LCE1E: variants seen among roughly 807,000 people sequenced by gnomAD.
The protein encoded by LCE1E is late cornified envelope protein 1E.
For missense variants in LCE1E, 144 were observed against 144.3 expected (o/e 1.00, Z 0.01); for synonymous variants, 61 against 55.0 (o/e 1.11, Z -0.48).
At chr1:152,786,763 A>T (rs1035093747) in intron 1 of LCE1E, among the ~76,000 whole-genome samples, 1 of 152,156 alleles carries the variant, frequency 6.6e-6, no homozygotes, top group Non-Finnish European at 1.5e-5. Context: ...AGGAAATCTG[A>T]GCTCCAGCCT....
Position 152,787,785 on chromosome 1 carries a change from T to G in LCE1E, c.*129T>G. The G allele has an allele frequency of 8.6e-7, 1 of 1,164,254 alleles. No individual in the cohort carries two copies. The highest frequency in any genetic ancestry group is 1.2e-6 in the Non-Finnish European group (1 of 827,598). 72.1% of individuals were successfully genotyped at this position (1,164,254 alleles called of 1,614,324 possible). On this transcript the variant is annotated 3_prime_UTR_variant, in exon 2 of 2. Coordinates refer to ENST00000368770, the MANE Select transcript of LCE1E (RefSeq NM_178353.2). ...GGAAACCCAAAATCTTTCTCCTTAA[T>G]GGCATTTAGAGACTTTCTTCTGCAG...
intron 1 of LCE1E, among the ~76,000 whole-genome samples, chr1:152,786,707 TGA>T (rs559661546): frequency 6.6e-6 from 1 of 152,140 alleles, no homozygotes; most frequent in South Asian, 2.1e-4. Context: ...ACACCAAACC[TGA>T]GACTCACCAT....
intron 1 of LCE1E, 22 bp downstream of exon 1, chr1:152,786,329 A>T (rs1040143474): frequency 1.3e-5 from 2 of 152,428 alleles, no homozygotes; most frequent in Non-Finnish European, 2.9e-5. Flanking sequence ...CTGGGAACAG[A>T]AGCAGGGGAT....
intron 1 of LCE1E, among the ~76,000 whole-genome samples, chr1:152,786,791 G>T (rs1027462011): frequency 1.3e-5 from 2 of 152,154 alleles, no homozygotes; most frequent in Non-Finnish European, 2.9e-5. Context: ...GGAGGCCAGG[G>T]TTCAAATTCC....
chr1:152,787,196 TAATTAC>T lies in LCE1E; in HGVS notation c.-22-79_-22-74del, dbSNP rs1191434021. 35 of 1,265,256 alleles carry T rather than the reference TAATTAC, an allele frequency of 2.8e-5. No homozygotes were observed. In the African/African-American group the frequency reaches 4.9e-4, roughly 18 times the overall value. 78.4% of individuals were successfully genotyped at this position (1,265,256 alleles called of 1,614,324 possible). A position where few individuals can be genotyped will look rare whatever the true frequency, so the allele number is the denominator to read the frequency against. ...GAAACTACTGGACATGATGTTTCCATAATTACAAGTCATGCTAAGAGTGTCAGAGGG... is the reference window on the plus strand; with the variant it reads ...GAAACTACTGGACATGATGTTTCCATAAGTCATGCTAAGAGTGTCAGAGGG... On this transcript the variant is annotated intron_variant, in intron 1 of 1. Transcript: ENST00000368770.
At position 152,787,948 on chromosome 1, in the gene LCE1E, C is replaced by A; in HGVS notation, c.*292C>A. 1 of 401,868 alleles carries A rather than the reference C, an allele frequency of 2.5e-6. No individual in the cohort carries two copies. The highest frequency in any genetic ancestry group is 4.7e-6 in the Non-Finnish European group (1 of 211,536). The allele number at this position is 401,868 out of a possible 1,614,324, so 24.9% of individuals were successfully genotyped here. On this transcript the variant is annotated 3_prime_UTR_variant, in exon 2 of 2. Coordinates refer to ENST00000368770, the MANE Select transcript of LCE1E (RefSeq NM_178353.2). ...ACTTGCTACCAGCCTGCTTGATTTT[C>A]CTGTTTGTGTCATCCTTGTTCTGCT...
At position 152,787,694 on chromosome 1, in the gene LCE1E, G is replaced by C; in HGVS notation, c.*38G>C. Reference sequence around the variant, plus strand: ...CTTCCTCTTCCTTCTGATTCTGCCTGAATAGCTGAGAGGTTCCAGCAAAAG... The same window carrying C: ...CTTCCTCTTCCTTCTGATTCTGCCTCAATAGCTGAGAGGTTCCAGCAAAAG... On this transcript the variant is annotated 3_prime_UTR_variant, in exon 2 of 2. Coordinates refer to ENST00000368770, the MANE Select transcript of LCE1E (RefSeq NM_178353.2). 1.3e-6 allele frequency: 2 copies of C among 1,520,488 alleles called. No individual in the cohort carries two copies. Among genetic ancestry groups the C allele is most frequent in the Non-Finnish European group, 1.8e-6 (2 of 1,135,912 alleles). 94.2% of individuals were successfully genotyped at this position (1,520,488 alleles called of 1,614,324 possible).
chr1:152,786,611 G>A (rs1277796469), intron 1 of LCE1E, among the ~76,000 whole-genome samples: 3 of 144,302 alleles, frequency 2.1e-5, no homozygotes, highest in African/African-American at 8.8e-5. Flanking sequence ...GCCATGGACA[G>A]GGGACCAGAG....
Position 152,787,463 on chromosome 1 carries a change from G to GC in LCE1E, c.165dup (p.Ser56LeufsTer39). 1 of 1,613,536 alleles carries GC rather than the reference G, an allele frequency of 6.2e-7. No individual in the cohort carries two copies. The highest frequency in any genetic ancestry group is 8.5e-7 in the Non-Finnish European group (1 of 1,179,858). On this transcript the variant is annotated frameshift_variant, in exon 2 of 2. Coordinates refer to ENST00000368770, the MANE Select transcript of LCE1E (RefSeq NM_178353.2). LOFTEE classifies it high-confidence loss of function. ...AGCTCCGGAGGCTGCTGTGGCTCCA[G>GC]CTCTGGGGGCAGCTGTGGCTCCAGC...
Position 152,787,789 on chromosome 1 carries a change from A to G in LCE1E, c.*133A>G. On this transcript the variant is annotated 3_prime_UTR_variant, in exon 2 of 2. Transcript: ENST00000368770. Reference sequence around the variant, plus strand: ...ACCCAAAATCTTTCTCCTTAATGGCATTTAGAGACTTTCTTCTGCAGATCC... The same window carrying G: ...ACCCAAAATCTTTCTCCTTAATGGCGTTTAGAGACTTTCTTCTGCAGATCC... The G allele has an allele frequency of 1.8e-6, 2 of 1,104,522 alleles. No individual in the cohort carries two copies. Among genetic ancestry groups the G allele is most frequent in the Non-Finnish European group, 2.6e-6 (2 of 774,710 alleles). 68.4% of individuals were successfully genotyped at this position (1,104,522 alleles called of 1,614,324 possible).
chr1:152,786,608 AC>A (rs1328400855), intron 1 of LCE1E, among the ~76,000 whole-genome samples: 21 of 151,502 alleles, frequency 1.4e-4, no homozygotes, highest in African/African-American at 4.9e-4. Flanking sequence ...GGAGCCATGG[AC>A]AGGGGACCAG....
chr1:152,787,245 C>A, intron 1 of LCE1E, 33 bp from the exon 2 acceptor site: 1 of 1,600,384 alleles, frequency 6.2e-7, no homozygotes, highest in Non-Finnish European at 8.6e-7. Context: ...TGGCCTCTGC[C>A]TAGGTCTGAT....
Position 152,787,311 on chromosome 1 carries a change from G to A in LCE1E, c.12G>A (p.Gln4=), listed in dbSNP as rs146608407. The change falls in exon 2 of 2, where the codon CAG becomes CAA. Residue 4 remains glutamine (Q), a synonymous_variant. Transcript: ENST00000368770. MSC[Q]QSQQQCQPPP... ...TACCTACTGCCGAGATGTCCTGCCA[G>A]CAGAGCCAGCAGCAGTGCCAGCCCC... 351 of 1,614,130 alleles carry A rather than the reference G, an allele frequency of 2.2e-4. 1 individual carries two copies. Among genetic ancestry groups the A allele is most frequent in the Middle Eastern group, 1.3e-3 (8 of 6,060 alleles).
rs1334253803 is a variant in LCE1E at position 152,788,232 on chromosome 1, G to T, written c.*576G>T. ...TTCCCACTATCACCTCTTCATTCTT[G>T]TGTTCCTCGTTCCCCACTCCTTCCA... On this transcript the variant is annotated 3_prime_UTR_variant, in exon 2 of 2. Transcript: ENST00000368770. 6.7e-6 allele frequency: 1 copy of T among 149,546 alleles called. No homozygotes were observed. Among genetic ancestry groups the T allele is most frequent in the African/African-American group, 2.6e-5 (1 of 37,854 alleles). 9.3% of individuals were successfully genotyped at this position (149,546 alleles called of 1,614,324 possible).
rs1651899301 is a variant in LCE1E at position 152,787,885 on chromosome 1, C to T, written c.*229C>T. 5.5e-6 allele frequency: 3 copies of T among 550,066 alleles called. No individual in the cohort carries two copies. Among genetic ancestry groups the T allele is most frequent in the Non-Finnish European group, 9.6e-6 (3 of 311,372 alleles). The allele number at this position is 550,066 out of a possible 1,614,324, so 34.1% of individuals were successfully genotyped here. On this transcript the variant is annotated 3_prime_UTR_variant, in exon 2 of 2. Transcript: ENST00000368770. Reference sequence around the variant, plus strand: ...GCTCACGCTGCTGTATTCTGTGCTGCCTGAACTGAAGAAATAAAATCCAGA... The same window carrying T: ...GCTCACGCTGCTGTATTCTGTGCTGTCTGAACTGAAGAAATAAAATCCAGA...
Position 152,787,843 on chromosome 1 carries a change from C to T in LCE1E, c.*187C>T. ...GCTGCCCTGGGAACTCCAAAGCACA[C>T]ACCTACTTCCTCCCCAGCTCACGCT... On this transcript the variant is annotated 3_prime_UTR_variant, in exon 2 of 2. Transcript: ENST00000368770. 1.5e-6 allele frequency: 1 copy of T among 669,904 alleles called. No individual in the cohort carries two copies. The highest frequency in any genetic ancestry group is 2.1e-5 in the South Asian group (1 of 48,180). The allele number at this position is 669,904 out of a possible 1,614,324, so 41.5% of individuals were successfully genotyped here. A position where few individuals can be genotyped will look rare whatever the true frequency, so the allele number is the denominator to read the frequency against.
In LCE1E at chr1:152,787,238, C is replaced by A. The variant is rs548438042; in HGVS notation, c.-22-40C>A. On this transcript the variant is annotated intron_variant, in intron 1 of 1. Transcript: ENST00000368770. ...AAGAGTGTCAGAGGGGCAGAGGTGG[C>A]CTCTGCCTAGGTCTGATTTTCTGTC... 3.2e-5 allele frequency: 50 copies of A among 1,580,864 alleles called. No individual in the cohort carries two copies. The East Asian group carries it at 5.1e-4, about 16-fold the overall frequency.
At chr1:152,787,024 C>T (rs1431480637) in intron 1 of LCE1E, among the ~76,000 whole-genome samples, 7 of 152,092 alleles carry the variant, frequency 4.6e-5, no homozygotes, top group Non-Finnish European at 1.0e-4. Flanking sequence ...GAATAATTTC[C>T]TCCTTCACTT....
rs865990240 is a variant in LCE1E, at chr1:152,786,270, C to G, written c.-60C>G. On this transcript the variant is annotated 5_prime_UTR_variant, in exon 1 of 2. Coordinates refer to ENST00000368770, the MANE Select transcript of LCE1E (RefSeq NM_178353.2). ...CCAGAGCACCCCATTCACTCACTTC[C>G]TGAGGTGCCGAAGGACCCTGTGCTG... is the stretch of plus-strand genomic sequence containing the variant. 4 of 152,436 alleles carry G rather than the reference C, an allele frequency of 2.6e-5. No homozygotes were observed. Among genetic ancestry groups the G allele is most frequent in the African/African-American group, 9.6e-5 (4 of 41,462 alleles). The allele number at this position is 152,436 out of a possible 1,614,324, so 9.4% of individuals were successfully genotyped here.
Sources: gnomAD v4.1 joint callset for allele counts (sites outside exome capture counted in the v4.1 genomes callset) on GRCh38, gnomAD v4.1.1 for gene constraint, MANE v1.5 for transcripts, NCBI Gene and HGNC (gene_info 2026-07-23, HGNC 2026-07-21) for gene names.